LLGL1: variants seen among roughly 807,000 people sequenced by gnomAD.
LLGL1 encodes the protein LLGL scribble cell polarity complex component 1, also known as lethal(2) giant larvae protein homolog 1.
A neutral mutation model predicts 110.6 loss-of-function variants in LLGL1; 58 were observed. The observed-to-expected ratio is 0.52, with a 90% CI of 0.42 to 0.65. The LOEUF is 0.65. LLGL1 is among the 30% of genes least tolerant of loss of function. The pLI is 0.00. For synonymous variants in LLGL1, 674 were observed against 607.2 expected (o/e 1.11, Z -1.62); for missense variants, 1,229 against 1,462.1 (o/e 0.84, Z 2.60).
At chr17:18,231,610 A>G (rs994648860) in intron 2 of LLGL1, among the ~76,000 whole-genome samples, 1 of 152,084 alleles carries the variant, frequency 6.6e-6, no homozygotes, top group Admixed American at 6.5e-5. Flanking sequence ...CTCCTCCCTC[A>G]TGATGGCAGT....
rs1567700333 is a variant in LLGL1 at position 18,244,736 on chromosome 17, A to AGGGG, written c.*837_*840dup. 404 of 10,196 alleles carry AGGGG rather than the reference A, an allele frequency of 0.04. 37 individuals carry two copies. The highest frequency in any genetic ancestry group is 0.043 in the Non-Finnish European group (223 of 5,174). 0.6% of individuals were successfully genotyped at this position (10,196 alleles called of 1,614,324 possible). On this transcript the variant is annotated 3_prime_UTR_variant, in exon 23 of 23. Coordinates refer to ENST00000316843, the MANE Select transcript of LLGL1 (RefSeq NM_004140.4). ...TGTGTGTCCGGCGGGGGGGGGGGGC[A>AGGGG]GGGGGGGGGGTCAAGATGAGTTTCC...
chr17:18,237,622 G>C lies in LLGL1; in HGVS notation c.1753G>C (p.Ala585Pro). ...SPRTGPLPWP[A>P]GFQPRVLVQC... is the part of the protein sequence containing the mutation. ...ACGCACGGGGCCGCTGCCCTGGCCT[G>C]CTGGCTTCCAGCCCCGTGTCCTGGT... is the stretch of plus-strand genomic sequence containing the variant. The change falls in exon 14 of 23, where the codon GCT (alanine) becomes CCT (proline). Residue 585 changes from alanine to proline, a missense_variant. Ala to Pro is a conservative substitution (Grantham distance 27, BLOSUM62 -1). Coordinates refer to ENST00000316843, the MANE Select transcript of LLGL1 (RefSeq NM_004140.4). 6.2e-7 allele frequency: 1 copy of C among 1,611,542 alleles called. No individual in the cohort carries two copies. Among genetic ancestry groups the C allele is most frequent in the East Asian group, 2.2e-5 (1 of 44,880 alleles).
intron 17 of LLGL1, 158 bp from the exon 18 acceptor site, chr17:18,241,293 G>A (rs1022310035): frequency 2.2e-5 from 19 of 852,836 alleles, no homozygotes; most frequent in Non-Finnish European, 3.2e-5. Flanking sequence ...TGTGAAGTCT[G>A]GAGTTTAGTG....
Position 18,240,630 on chromosome 17 carries a change from C to A in LLGL1, c.2259C>A (p.Phe753Leu). Residue 753 changes from phenylalanine (F) to leucine (L), a missense_variant, in exon 17 of 23, where the codon TTC becomes TTA. Transcript: ENST00000316843. This position sits in a 1 kb window ranked among gnomAD's most constrained non-coding sequence, Gnocchi z 5.3. ...CTGGCACCAACTCAGGCTCTGTGTT[C>A]GCCTATGCACTGGAGGTGCCGGCAG... Reference protein sequence around the residue: ...MWAGTNSGSVFAYALEVPAAA... With the variant: ...MWAGTNSGSVLAYALEVPAAA... 6.2e-7 allele frequency: 1 copy of A among 1,611,918 alleles called. No individual in the cohort carries two copies.
intron 1 of LLGL1, among the ~76,000 whole-genome samples, chr17:18,226,287 C>T (rs747336563): frequency 2.6e-5 from 4 of 152,200 alleles, no homozygotes; most frequent in East Asian, 1.9e-4. Context: ...AGTCTCTCGA[C>T]CTCTGTCGCT....
chr17:18,244,593 T>A lies in LLGL1; in HGVS notation c.*687T>A, dbSNP rs1053139839. On this transcript the variant is annotated 3_prime_UTR_variant, in exon 23 of 23. Coordinates refer to ENST00000316843, the MANE Select transcript of LLGL1 (RefSeq NM_004140.4). ...TGGGCTGGACAGTTGTTTCTAAAAC[T>A]AAACTATTTTGGTACCTGCTTCTGG... The A allele has an allele frequency of 9.2e-5, 14 of 152,400 alleles. No homozygotes were observed. The highest frequency in any genetic ancestry group is 7.9e-4 in the Admixed American group (12 of 15,254). The allele number at this position is 152,400 out of a possible 1,614,324, so 9.4% of individuals were successfully genotyped here.
At chr17:18,227,870 C>A (rs1029385766) in intron 1 of LLGL1, among the ~76,000 whole-genome samples, 12 of 152,180 alleles carry the variant, frequency 7.9e-5, no homozygotes, top group African/African-American at 2.9e-4. Flanking sequence ...GGGACTTAGT[C>A]ACCTAAGTGG....
intron 4 of LLGL1, 39 bp downstream of exon 4, chr17:18,232,841 G>A: frequency 6.2e-7 from 1 of 1,612,330 alleles, no homozygotes; most frequent in Non-Finnish European, 8.5e-7. Flanking sequence ...ACCGGGCAGG[G>A]AGGATCTGGG....
chr17:18,236,701 T>A lies in LLGL1; in HGVS notation c.1447T>A (p.Cys483Ser), dbSNP rs549478417. The change falls in exon 12 of 23, where the codon TGT (cysteine) becomes AGT (serine). Residue 483 changes from cysteine (C) to serine (S), a missense_variant. Transcript: ENST00000316843. ...LSTAGLFQTD[C>S]EHADSLAQAA... ...CACAGCTGGCCTCTTCCAGACAGAC[T>A]GTGAGCACGCTGACAGCCTGGCCCA... 2.6e-5 allele frequency: 42 copies of A among 1,612,534 alleles called. No homozygotes were observed. The Middle Eastern group carries it at 6.6e-4, about 25-fold the overall frequency.
At position 18,238,178 on chromosome 17, in the gene LLGL1, C is replaced by T; in HGVS notation, c.2016C>T (p.Val672=). 1.9e-6 allele frequency: 3 copies of T among 1,613,006 alleles called. No individual in the cohort carries two copies. The highest frequency in any genetic ancestry group is 2.5e-6 in the Non-Finnish European group (3 of 1,180,036). Residue 672 remains valine (V), a synonymous_variant, in exon 15 of 23, where the codon GTC becomes GTT. Transcript: ENST00000316843. ...TCCGGCGCATTCGCAAGAGTCGTGT[C>T]TCTGGCAAGAAGCGGGCTGCTAATG... The part of the protein sequence containing the change: ...QSFRRIRKSR[V]SGKKRAANAS...
chr17:18,240,749 T>C lies in LLGL1; in HGVS notation c.2378T>C (p.Ile793Thr). ...ATGCACCGGGCGCCTGTGGTGGCCA[T>C]TGCCGTGTTGGACGGGCGTGGCCGC... Reference protein sequence around the residue: ...QLMHRAPVVAIAVLDGRGRPL... With the variant: ...QLMHRAPVVATAVLDGRGRPL... Residue 793 changes from isoleucine to threonine, a missense_variant, in exon 17 of 23, where the codon ATT (isoleucine) becomes ACT (threonine). Transcript: ENST00000316843. The surrounding 1 kb of genome is among the most constrained non-coding windows in gnomAD (Gnocchi z 5.3). 1.2e-6 allele frequency: 2 copies of C among 1,611,856 alleles called. No individual in the cohort carries two copies. Among genetic ancestry groups the C allele is most frequent in the Non-Finnish European group, 1.7e-6 (2 of 1,179,178 alleles).
intron 11 of LLGL1, chr17:18,236,328 T>C: frequency 2.2e-6 from 1 of 450,836 alleles, no homozygotes; most frequent in Non-Finnish European, 4.0e-6. Flanking sequence ...TCTCTACATG[T>C]CCCCCTTTGC....
In LLGL1 at chr17:18,225,672, C is replaced by G. The variant is rs761711391; in HGVS notation, c.-11C>G. The G allele has an allele frequency of 1.8e-5, 18 of 1,003,164 alleles. No individual in the cohort carries two copies. Among genetic ancestry groups the G allele is most frequent in the Non-Finnish European group, 1.9e-5 (16 of 838,740 alleles). 62.1% of individuals were successfully genotyped at this position (1,003,164 alleles called of 1,614,324 possible). On this transcript the variant is annotated 5_prime_UTR_variant, in exon 1 of 23. Transcript: ENST00000316843. ...GCGGCGGCGGGCGAGGCGCCTGCAGCCGGGCGCAAGATGATGAAGTTTCGG... is the reference window on the plus strand; with the variant it reads ...GCGGCGGCGGGCGAGGCGCCTGCAGGCGGGCGCAAGATGATGAAGTTTCGG...
intron 1 of LLGL1, among the ~76,000 whole-genome samples, chr17:18,229,116 C>G (rs2047513622): frequency 6.6e-6 from 1 of 152,140 alleles, no homozygotes; most frequent in Admixed American, 6.5e-5. Flanking sequence ...CACTGGTGTT[C>G]AGGATGGGGC....
At position 18,232,479 on chromosome 17, in the gene LLGL1, G is replaced by A; in HGVS notation, c.180-16G>A. The stretch of plus-strand genomic sequence containing the variant: ...GCTGGTCTATGCCTATTTCCACCTT[G>A]ACCTGCCACCCTCAGCTATGGTGCA... On this transcript the variant is annotated splice_polypyrimidine_tract_variant and intron_variant, in intron 2 of 22. Transcript: ENST00000316843. The A allele has an allele frequency of 6.2e-7, 1 of 1,611,238 alleles. No individual in the cohort carries two copies. The highest frequency in any genetic ancestry group is 8.5e-7 in the Non-Finnish European group (1 of 1,178,186).
intron 2 of LLGL1, 95 bp from the exon 3 acceptor site, chr17:18,232,400 A>T: frequency 8.8e-7 from 1 of 1,131,746 alleles, no homozygotes; most frequent in Non-Finnish European, 1.3e-6. Context: ...GCCGGGGCCC[A>T]CTGGAATAGT....
At chr17:18,233,433 G>C (rs1296427081) in intron 4 of LLGL1, among the ~76,000 whole-genome samples, 1 of 152,128 alleles carries the variant, frequency 6.6e-6, no homozygotes, top group Non-Finnish European at 1.5e-5. Context: ...GGAGATGTCT[G>C]AGCGCTGGCA....
intron 1 of LLGL1, 49 bp downstream of exon 1, chr17:18,225,812 G>GCCCCCAGCCCA: frequency 1.2e-6 from 1 of 861,754 alleles, no homozygotes; most frequent in Non-Finnish European, 1.4e-6. Flanking sequence ...GGCGGGACGG[G>GCCCCCAGCCCA]GGCCTGGGCT....
chr17:18,236,361 T>C (rs566973761), intron 11 of LLGL1: 2 of 513,772 alleles, frequency 3.9e-6, no homozygotes, highest in South Asian at 2.7e-5. Flanking sequence ...ATCAGGGTGG[T>C]CATTTCCACC....
Sources: gnomAD v4.1 joint callset for allele counts (sites outside exome capture counted in the v4.1 genomes callset) on GRCh38, gnomAD v4.1.1 for gene constraint, Gnocchi (gnomAD v3.1) non-coding constraint, MANE v1.5 for transcripts, NCBI Gene and HGNC (gene_info 2026-07-23, HGNC 2026-07-21) for gene names.